Variants in SNTG2 observed in about 807,000 individuals in gnomAD.
SNTG2 encodes the protein syntrophin gamma 2.
SNTG2 carries 74 observed loss-of-function variants against 70.9 expected under a neutral mutation model. The observed-to-expected ratio is 1.04, with a 90% CI of 0.86 to 1.27. The LOEUF is 1.27. Among genes scored for constraint, SNTG2 ranks in the 50% most tolerant of loss-of-function variants. SNTG2 has a pLI of 0.00. For synonymous variants in SNTG2, 278 were observed against 273.8 expected, an observed-to-expected ratio of 1.02 and a Z score of -0.15; for missense variants, 717 against 690.7, an observed-to-expected ratio of 1.04 and a Z score of -0.43.
chr2:1,178,939 CTT>C (rs780860723), intron 8 of SNTG2, among the ~76,000 whole-genome samples: 306 of 152,038 alleles, frequency 2.0e-3, no homozygotes, highest in Non-Finnish European at 3.4e-3. Flanking sequence ...GTCCTGGACT[CTT>C]TTTGGTTGGT....
Position 1,212,018 on chromosome 2 carries a change from C to T in SNTG2, c.719+2788C>T, listed in dbSNP as rs1235156580. Among the ~76,000 whole-genome samples, 9 of 149,492 alleles carry T rather than the reference C, an allele frequency of 6.0e-5. No individual in the cohort carries two copies. The East Asian group carries it at 7.7e-4, about 13-fold the overall frequency. On this transcript the variant is annotated intron_variant, in intron 9 of 16. Coordinates refer to ENST00000308624, the MANE Select transcript of SNTG2 (RefSeq NM_018968.4). ...ATGAAATGGAACCCAAGAAGTCAGC[C>T]GACTGCCTGAGCCTCAGATTGTTTC... is the stretch of plus-strand genomic sequence containing the variant.
chr2:1,250,993 G>T (rs1273039883), intron 12 of SNTG2, among the ~76,000 whole-genome samples: 1 of 152,232 alleles, frequency 6.6e-6, no homozygotes, highest in Non-Finnish European at 1.5e-5. Flanking sequence ...TGCAGAAGAT[G>T]ACTTGGCACC....
intron 9 of SNTG2, among the ~76,000 whole-genome samples, chr2:1,224,132 G>A (rs940899381): frequency 6.6e-6 from 1 of 152,100 alleles, no homozygotes; most frequent in African/African-American, 2.4e-5. Flanking sequence ...CCGTCAGGCT[G>A]CACCCTCAGG....
chr2:1,175,133 A>G (rs926832522), intron 8 of SNTG2, among the ~76,000 whole-genome samples: 3 of 152,168 alleles, frequency 2.0e-5, no homozygotes, highest in African/African-American at 2.4e-5. Context: ...ATCCCATGAG[A>G]TCTGCTTTTA....
At chr2:1,347,026 AGGGGAT>A (rs1660326189) in intron 16 of SNTG2, among the ~76,000 whole-genome samples, 1 of 152,082 alleles carries the variant, frequency 6.6e-6, no homozygotes, top group Non-Finnish European at 1.5e-5. Context: ...AATCTGTTCA[AGGGGAT>A]TTAATGGTTT....
intron 9 of SNTG2, among the ~76,000 whole-genome samples, chr2:1,222,085 GTC>G (rs1256506129): frequency 0.023 from 165 of 7,206 alleles, 33 homozygotes; most frequent in Middle Eastern, 0.062. Context: ...CTCTGTCTCT[GTC>G]TCTCTCTGTC....
At chr2:1,273,647 A>G (rs1255747838) in intron 14 of SNTG2, among the ~76,000 whole-genome samples, 1 of 149,834 alleles carries the variant, frequency 6.7e-6, no homozygotes, top group Non-Finnish European at 1.5e-5. Context: ...ATATATATAT[A>G]TATAAGTATA....
intron 1 of SNTG2, among the ~76,000 whole-genome samples, chr2:976,990 C>T (rs1330860077): frequency 6.6e-6 from 1 of 152,146 alleles, no homozygotes. Context: ...TGGGATTTCT[C>T]AAGGATTGGA....
In SNTG2 at chr2:1,096,502, C is replaced by T. The variant is rs369805029; in HGVS notation, c.211-1694C>T. Among the ~76,000 whole-genome samples the T allele has an allele frequency of 5.3e-5, 8 of 152,282 alleles. No individual in the cohort carries two copies. The Middle Eastern group carries it at 0.014, about 259-fold the overall frequency. On this transcript the variant is annotated intron_variant, in intron 2 of 16. Coordinates refer to ENST00000308624, the MANE Select transcript of SNTG2 (RefSeq NM_018968.4). ...CTCCGCCCCCCAACCCTGAACGCCCCTGGTAAACACGGTTCTACCCTCTGC... is the reference window on the plus strand; with the variant it reads ...CTCCGCCCCCCAACCCTGAACGCCCTTGGTAAACACGGTTCTACCCTCTGC...
chr2:1,118,519 A>G (rs971350040), intron 4 of SNTG2, among the ~76,000 whole-genome samples: 4 of 152,256 alleles, frequency 2.6e-5, no homozygotes, highest in African/African-American at 9.6e-5. Context: ...CTTCCCCTAC[A>G]AAAGGCACTA....
intron 8 of SNTG2, among the ~76,000 whole-genome samples, chr2:1,199,870 G>A (rs542792876): frequency 1.2e-4 from 18 of 151,910 alleles, no homozygotes; most frequent in Non-Finnish European, 1.9e-4. Context: ...TGAAGAAAAC[G>A]CAAACTAATG....
chr2:1,085,908 G>C (rs10865542), intron 2 of SNTG2, among the ~76,000 whole-genome samples: 3 of 152,134 alleles, frequency 2.0e-5, no homozygotes, highest in African/African-American at 7.2e-5. Context: ...TGAATTAATG[G>C]GGTGGGATGC....
intron 14 of SNTG2, among the ~76,000 whole-genome samples, chr2:1,300,078 A>G (rs973659505): frequency 1.3e-5 from 2 of 152,040 alleles, no homozygotes; most frequent in African/African-American, 4.8e-5. Flanking sequence ...AGGGTGCCTT[A>G]AATGAGGGCA....
At chr2:1,276,354 T>A (rs1021732016) in intron 14 of SNTG2, among the ~76,000 whole-genome samples, 2 of 152,234 alleles carry the variant, frequency 1.3e-5, no homozygotes, top group Non-Finnish European at 2.9e-5. Context: ...GGGTCCAATG[T>A]ATATGGAGAC....
intron 9 of SNTG2, among the ~76,000 whole-genome samples, chr2:1,237,596 T>G (rs1326585589): frequency 2.0e-5 from 3 of 152,230 alleles, no homozygotes; most frequent in Non-Finnish European, 2.9e-5. Flanking sequence ...GAATAACCAG[T>G]AAGAATCCTG....
At chr2:1,328,940 T>G (rs1295083252) in intron 16 of SNTG2, among the ~76,000 whole-genome samples, 1 of 151,870 alleles carries the variant, frequency 6.6e-6, no homozygotes, top group African/African-American at 2.4e-5. Context: ...GATTCACACA[T>G]GCACATATAC....
rs2148247989 is a variant in SNTG2, at chr2:1,308,514, C to T, written c.1305C>T (p.Ser435=). ...QRTGSRTYMC[S]WQGEMLCFTV... ...TCTAGTCCAGAACATACATGTGCAG[C>T]TGGCAAGGAGAGATGCTGTGTTTCA... Residue 435 remains serine (S), a synonymous_variant, in exon 15 of 17, where the codon AGC becomes AGT. Transcript: ENST00000308624. 6.4e-7 allele frequency: 1 copy of T among 1,551,368 alleles called. No individual in the cohort carries two copies. The highest frequency in any genetic ancestry group is 2.4e-5 in the East Asian group (1 of 40,900).
At chr2:996,496 G>A (rs1236162392) in intron 1 of SNTG2, among the ~76,000 whole-genome samples, 2 of 151,956 alleles carry the variant, frequency 1.3e-5, no homozygotes, top group African/African-American at 4.8e-5. Context: ...AATCAAAAGT[G>A]GGAAAGTAAA....
At chr2:972,466 A>T (rs191692314) in intron 1 of SNTG2, among the ~76,000 whole-genome samples, 1 of 152,194 alleles carries the variant, frequency 6.6e-6, no homozygotes, top group African/African-American at 2.4e-5. Flanking sequence ...TTTTTTTTAC[A>T]CATCTAACAA....
Sources: gnomAD v4.1 joint callset for allele counts (sites outside exome capture counted in the v4.1 genomes callset) on GRCh38, gnomAD v4.1.1 for gene constraint, MANE v1.5 for transcripts, NCBI Gene and HGNC (gene_info 2026-07-23, HGNC 2026-07-21) for gene names.